The following PCSK2 variants were observed in gnomAD, a reference collection of about 807,000 sequenced individuals.
PCSK2 encodes neuroendocrine convertase 2.
A neutral mutation model predicts 69.7 loss-of-function variants in PCSK2; 14 were observed. The ratio of observed to expected loss-of-function variants is 0.20; its 90% CI spans 0.13 to 0.31. PCSK2 has a LOEUF of 0.31. Among genes scored for constraint, PCSK2 ranks in the 10% least tolerant of loss-of-function variants. The probability of loss-of-function intolerance (pLI) is 1.00; values close to 1 mark genes in which losing one functional copy is unlikely to be tolerated. For synonymous variants in PCSK2, 307 were observed against 320.7 expected, an observed-to-expected ratio of 0.96 and a Z score of 0.46; for missense variants, 544 against 842.5, an observed-to-expected ratio of 0.65 and a Z score of 4.39.
At chr20:17,448,462 T>A (rs1360549243) in intron 8 of PCSK2, among the ~76,000 whole-genome samples, 2 of 152,214 alleles carry the variant, frequency 1.3e-5, no homozygotes, top group Non-Finnish European at 2.9e-5. Context: ...ATTGCTTGAA[T>A]GTTTCAGAAA....
intron 7 of PCSK2, among the ~76,000 whole-genome samples, chr20:17,431,041 G>C (rs962516604): frequency 6.6e-6 from 1 of 152,064 alleles, no homozygotes; most frequent in Admixed American, 6.6e-5. Flanking sequence ...TTCTCCTGCT[G>C]TCTTAGTTTG....
chr20:17,407,039 A>C (rs2031767298), intron 5 of PCSK2, among the ~76,000 whole-genome samples: 1 of 152,074 alleles, frequency 6.6e-6, no homozygotes, highest in Non-Finnish European at 1.5e-5. Context: ...GACCACCCGA[A>C]TGTCCTAGGC....
intron 2 of PCSK2, among the ~76,000 whole-genome samples, chr20:17,274,013 A>G (rs890731848): frequency 6.6e-6 from 1 of 152,268 alleles, no homozygotes; most frequent in South Asian, 2.1e-4. Flanking sequence ...GGCAAAATGA[A>G]TGTCTTAATG....
chr20:17,282,121 A>C (rs1308772131), intron 2 of PCSK2, among the ~76,000 whole-genome samples: 1 of 152,124 alleles, frequency 6.6e-6, no homozygotes, highest in African/African-American at 2.4e-5. Context: ...TTTCTAATGC[A>C]GTTAAGGATG....
At chr20:17,450,992 C>T (rs1205892110) in intron 8 of PCSK2, among the ~76,000 whole-genome samples, 2 of 152,086 alleles carry the variant, frequency 1.3e-5, no homozygotes, top group African/African-American at 2.4e-5. Context: ...TCATTTCTGC[C>T]CCCAGAACTA....
At chr20:17,287,772 C>A (rs1434611305) in intron 2 of PCSK2, among the ~76,000 whole-genome samples, 1 of 152,190 alleles carries the variant, frequency 6.6e-6, no homozygotes, top group East Asian at 1.9e-4. Flanking sequence ...GCCAGTATTC[C>A]CCCAAGCCAC....
chr20:17,236,368 A>G (rs1986338286), intron 1 of PCSK2, among the ~76,000 whole-genome samples: 2 of 152,136 alleles, frequency 1.3e-5, no homozygotes, highest in Non-Finnish European at 2.9e-5. Flanking sequence ...GTAGTTACAT[A>G]TTTTATACAT....
intron 8 of PCSK2, among the ~76,000 whole-genome samples, chr20:17,444,209 A>G (rs1157061662): frequency 2.0e-5 from 3 of 152,236 alleles, no homozygotes; most frequent in African/African-American, 4.8e-5. Context: ...TTGTCTTTCA[A>G]TTTTATCATC....
chr20:17,435,055 T>G (rs2032455153), intron 7 of PCSK2, among the ~76,000 whole-genome samples: 1 of 152,210 alleles, frequency 6.6e-6, no homozygotes, highest in Admixed American at 6.5e-5. Flanking sequence ...TTCTAGATAA[T>G]CTTCCTCCAG....
chr20:17,421,945 A>C (rs1040115555), intron 6 of PCSK2, among the ~76,000 whole-genome samples: 2 of 152,088 alleles, frequency 1.3e-5, no homozygotes, highest in Non-Finnish European at 2.9e-5. Flanking sequence ...AATTTGTACT[A>C]TATGAAATCG....
Position 17,456,755 on chromosome 20 carries a change from A to G in PCSK2, c.1202+307A>G, listed in dbSNP as rs117317379. 8.0e-3 allele frequency among the ~76,000 whole-genome samples: 1,211 copies of G among 152,280 alleles called. 7 individuals are homozygous for G. The highest frequency in any genetic ancestry group is 0.013 in the Non-Finnish European group (903 of 68,020). The stretch of plus-strand genomic sequence containing the variant: ...CACAGAGATATTTCTTTCTTCATCA[A>G]ATTTACCCCTCTATCCTCTGTGTAT... On this transcript the variant is annotated intron_variant, in intron 10 of 11. Coordinates refer to ENST00000262545, the MANE Select transcript of PCSK2 (RefSeq NM_002594.5).
At chr20:17,397,488 T>TA (rs1568632793) in intron 5 of PCSK2, among the ~76,000 whole-genome samples, 7 of 139,384 alleles carry the variant, frequency 5.0e-5, no homozygotes, top group African/African-American at 2.3e-4. Flanking sequence ...TTCAATATAT[T>TA]TTTTTTTTTG....
chr20:17,261,074 T>C (rs1032704593), intron 2 of PCSK2, among the ~76,000 whole-genome samples: 1 of 152,178 alleles, frequency 6.6e-6, no homozygotes, highest in Non-Finnish European at 1.5e-5. Context: ...TGTTCCCACT[T>C]CTTGCCTTTC....
intron 2 of PCSK2, among the ~76,000 whole-genome samples, chr20:17,351,620 GA>G (rs1363541968): frequency 2.6e-5 from 4 of 151,968 alleles, no homozygotes; most frequent in Admixed American, 2.0e-4. Flanking sequence ...AATAAATGCA[GA>G]AAAAACTTTT....
rs117079574 is a variant in PCSK2 at position 17,239,468 on chromosome 20, C to T, written c.177+11986C>T. ...AGCACTTTAGGCAGAGGAGAAGGGA[C>T]AGGGATCCTTGGAGAGTTGTGTCTT... On this transcript the variant is annotated intron_variant, in intron 1 of 11. Transcript: ENST00000262545. Among the ~76,000 whole-genome samples the T allele has an allele frequency of 2.8e-3, 429 of 152,234 alleles. 1 individual carries two copies. The highest frequency in any genetic ancestry group is 4.1e-3 in the Non-Finnish European group (277 of 68,014).
intron 2 of PCSK2, among the ~76,000 whole-genome samples, chr20:17,325,166 A>G (rs1990003791): frequency 6.6e-6 from 1 of 152,108 alleles, no homozygotes. Flanking sequence ...CTCCCTCCCA[A>G]GAAGTCAGCT....
chr20:17,304,385 GAGTTGGGGAGATGGAATT>G (rs1397463669), intron 2 of PCSK2, among the ~76,000 whole-genome samples: 1 of 152,172 alleles, frequency 6.6e-6, no homozygotes, highest in Non-Finnish European at 1.5e-5. Context: ...AGTATATTTT[GAGTTGGGGAGATGGAATT>G]TCAGCATAAC....
intron 6 of PCSK2, among the ~76,000 whole-genome samples, chr20:17,422,827 C>T (rs1306302238): frequency 1.3e-5 from 2 of 151,858 alleles, no homozygotes; most frequent in Non-Finnish European, 2.9e-5. Flanking sequence ...AAAACAGACA[C>T]CACATAAAAG....
At chr20:17,393,201 C>T (rs1208091415) in intron 5 of PCSK2, among the ~76,000 whole-genome samples, 1 of 152,154 alleles carries the variant, frequency 6.6e-6, no homozygotes, top group Non-Finnish European at 1.5e-5. Flanking sequence ...ACCAGAACAT[C>T]ACTTGCCCGT....
Sources: gnomAD v4.1 joint callset for allele counts (sites outside exome capture counted in the v4.1 genomes callset) on GRCh38, gnomAD v4.1.1 for gene constraint, MANE v1.5 for transcripts, NCBI Gene and HGNC (gene_info 2026-07-23, HGNC 2026-07-21) for gene names.